The following KCNAB1 variants were observed in gnomAD, a reference collection of about 807,000 sequenced individuals.
The protein encoded by KCNAB1 is potassium voltage-gated channel subfamily A regulatory beta subunit 1.
A neutral mutation model predicts 64.6 loss-of-function variants in KCNAB1; 35 were observed. That is an observed-to-expected ratio of 0.54 (90% CI 0.41 to 0.72). The LOEUF is 0.72. Ranked by LOEUF, KCNAB1 falls within the 30% of genes least tolerant of loss-of-function variation. KCNAB1 has a pLI of 0.00. For synonymous variants in KCNAB1, 177 were observed against 183.8 expected, an observed-to-expected ratio of 0.96 and a Z score of 0.30; for missense variants, 401 against 512.9, an observed-to-expected ratio of 0.78 and a Z score of 2.11.
chr3:156,524,766 A>G (rs1374230481), intron 12 of KCNAB1, among the ~76,000 whole-genome samples: 18 of 149,846 alleles, frequency 1.2e-4, no homozygotes, highest in African/African-American at 1.7e-4. Flanking sequence ...AAAAAAAAAA[A>G]AAAAAAAAAA....
chr3:156,175,634 C>T (rs1712315637), intron 1 of KCNAB1, among the ~76,000 whole-genome samples: 1 of 152,088 alleles, frequency 6.6e-6, no homozygotes, highest in South Asian at 2.1e-4. Flanking sequence ...CAAAACAAAA[C>T]AGTTCCTGAA....
At chr3:156,263,847 T>C (rs1718554582) in intron 1 of KCNAB1, among the ~76,000 whole-genome samples, 1 of 152,142 alleles carries the variant, frequency 6.6e-6, no homozygotes, top group African/African-American at 2.4e-5. Flanking sequence ...TTTTTTCAAA[T>C]ATTTTCAATC....
At chr3:156,379,966 T>A (rs1053268726) in intron 1 of KCNAB1, among the ~76,000 whole-genome samples, 6 of 152,168 alleles carry the variant, frequency 3.9e-5, no homozygotes, top group African/African-American at 7.2e-5. Flanking sequence ...TCAGGACTAG[T>A]GCTAAGGTTT....
At chr3:156,299,452 A>C (rs1721010856) in intron 1 of KCNAB1, among the ~76,000 whole-genome samples, 1 of 152,246 alleles carries the variant, frequency 6.6e-6, no homozygotes, top group South Asian at 2.1e-4. Context: ...CATGCTTAGC[A>C]TCACAGTGTC....
At chr3:156,430,853 G>C (rs895827708) in intron 2 of KCNAB1, among the ~76,000 whole-genome samples, 2 of 152,186 alleles carry the variant, frequency 1.3e-5, no homozygotes, top group African/African-American at 4.8e-5. Flanking sequence ...GCAGTAGTCA[G>C]GTGATGTCAT....
chr3:156,356,524 T>G (rs1206964568), intron 1 of KCNAB1, among the ~76,000 whole-genome samples: 1 of 152,158 alleles, frequency 6.6e-6, no homozygotes, highest in Non-Finnish European at 1.5e-5. Context: ...AGGTACCAAT[T>G]AAACCCACGT....
At chr3:156,377,480 G>A (rs568556089) in intron 1 of KCNAB1, among the ~76,000 whole-genome samples, 1 of 152,284 alleles carries the variant, frequency 6.6e-6, no homozygotes, top group Admixed American at 6.5e-5. Context: ...TGCCACTTGT[G>A]ACAAGGAGAT....
intron 1 of KCNAB1, among the ~76,000 whole-genome samples, chr3:156,187,256 C>A (rs1577687823): frequency 6.6e-6 from 1 of 152,156 alleles, no homozygotes; most frequent in Non-Finnish European, 1.5e-5. Context: ...TTTCTTTTCC[C>A]TTTATACACT....
In KCNAB1 at chr3:156,374,654, G is replaced by A. The variant is rs528200434; in HGVS notation, c.276-46962G>A. 4.2e-4 allele frequency among the ~76,000 whole-genome samples: 57 copies of A among 134,914 alleles called. 21 individuals are homozygous for A. Among genetic ancestry groups the A allele is most frequent in the African/African-American group, 1.7e-3 (51 of 30,054 alleles). The allele number at this position is 134,914 out of a possible 152,430, so 88.5% of individuals were successfully genotyped here. On this transcript the variant is annotated intron_variant, in intron 1 of 13. Transcript: ENST00000490337. ...CTTCACCTTTGCCCTTCCCACTAGC[G>A]AGAGGTGGTAGAATGCAGAGGTGAA...
intron 1 of KCNAB1, among the ~76,000 whole-genome samples, chr3:156,141,635 T>C (rs1443037017): frequency 6.6e-6 from 1 of 152,184 alleles, no homozygotes; most frequent in Non-Finnish European, 1.5e-5. Context: ...TATTTCGTAG[T>C]ATGAATATGC....
intron 1 of KCNAB1, among the ~76,000 whole-genome samples, chr3:156,366,528 C>T (rs992245839): frequency 1.3e-5 from 2 of 152,168 alleles, no homozygotes; most frequent in African/African-American, 4.8e-5. Flanking sequence ...TAAAGTCAGG[C>T]GTGATGGCCC....
chr3:156,453,133 T>C (rs540724856), intron 3 of KCNAB1, 197 bp downstream of exon 3: 1 of 441,372 alleles, frequency 2.3e-6, no homozygotes, highest in South Asian at 5.5e-5. Context: ...TTAATAGCCC[T>C]TGAAGCTGTA....
chr3:156,427,238 CA>C (rs1353941074), intron 2 of KCNAB1, among the ~76,000 whole-genome samples: 1 of 152,104 alleles, frequency 6.6e-6, no homozygotes, highest in Non-Finnish European at 1.5e-5. Flanking sequence ...GAGTGGTGAC[CA>C]AAGAGCTTGT....
At chr3:156,521,657 C>T (rs1188143864) in intron 11 of KCNAB1, among the ~76,000 whole-genome samples, 3 of 152,218 alleles carry the variant, frequency 2.0e-5, no homozygotes, top group African/African-American at 4.8e-5. Context: ...ATTACTGCCA[C>T]AACCACACCC....
chr3:156,483,361 A>G (rs950834213), intron 8 of KCNAB1, among the ~76,000 whole-genome samples: 5 of 152,108 alleles, frequency 3.3e-5, no homozygotes, highest in African/African-American at 9.7e-5. Flanking sequence ...TGGGTGGCTG[A>G]CTGAAGACTT....
chr3:156,504,742 G>GTTTTTTTTTTTT (rs796618812), intron 8 of KCNAB1, among the ~76,000 whole-genome samples: 3 of 81,238 alleles, frequency 3.7e-5, no homozygotes, highest in East Asian at 4.8e-4. Flanking sequence ...TTTTGTTTTT[G>GTTTTTTTTTTTT]TTTTTTTTGT....
intron 1 of KCNAB1, among the ~76,000 whole-genome samples, chr3:156,182,498 A>ATTAGG (rs1560124713): frequency 3.3e-5 from 5 of 151,762 alleles, no homozygotes; most frequent in Non-Finnish European, 7.4e-5. Flanking sequence ...AGTTTATGCC[A>ATTAGG]CTCATCTCTA....
At chr3:156,119,227 G>A (rs973592022), upstream of KCNAB1, among the ~76,000 whole-genome samples, 2 of 152,212 alleles carry the variant, frequency 1.3e-5, no homozygotes, top group Non-Finnish European at 2.9e-5. Flanking sequence ...GCAAGTGAAA[G>A]GGGGCAAGGC....
intron 1 of KCNAB1, among the ~76,000 whole-genome samples, chr3:156,224,245 A>C (rs1264172581): frequency 6.6e-6 from 1 of 152,152 alleles, no homozygotes; most frequent in Non-Finnish European, 1.5e-5. Context: ...GCCCACGCCC[A>C]CCCGGAACTC....
Sources: allele counts gnomAD v4.1 joint callset (sites outside exome capture counted in the v4.1 genomes callset), GRCh38; gene constraint gnomAD v4.1.1; transcripts MANE v1.5; gene names NCBI Gene and HGNC (gene_info 2026-07-23, HGNC 2026-07-21).